MBD5: variants seen among roughly 807,000 people sequenced by gnomAD.
The protein encoded by MBD5 is methyl-CpG-binding domain protein 5.
Under a neutral mutation model 117.3 loss-of-function variants are expected in MBD5, and 13 were observed. The ratio of observed to expected loss-of-function variants is 0.11; its 90% confidence interval spans 0.07 to 0.18. The LOEUF is 0.18. MBD5 is among the 10% of genes least tolerant of loss of function. MBD5 has a pLI of 1.00. For missense variants in MBD5, 1,879 were observed against 2,093.8 expected (o/e 0.90, Z 2.00); for synonymous variants, 727 against 766.4 (o/e 0.95, Z 0.85).
chr2:148,440,018 A>C (rs1706271741), intron 4 of MBD5, among the ~76,000 whole-genome samples: 1 of 152,106 alleles, frequency 6.6e-6, no homozygotes, highest in Non-Finnish European at 1.5e-5. Flanking sequence ...AGATTACAGG[A>C]GTGAGCCACC....
At chr2:148,327,136 C>A (rs1702475428) in intron 3 of MBD5, among the ~76,000 whole-genome samples, 1 of 151,984 alleles carries the variant, frequency 6.6e-6, no homozygotes, top group African/African-American at 2.4e-5. Flanking sequence ...GTTGAAAATT[C>A]TTTTCTTTAA....
At chr2:148,222,098 A>G (rs1047763367) in intron 2 of MBD5, among the ~76,000 whole-genome samples, 2 of 152,014 alleles carry the variant, frequency 1.3e-5, no homozygotes, top group Non-Finnish European at 2.9e-5. Context: ...TGGGTTCTCT[A>G]TTCTGTTCCG....
chr2:148,244,302 A>C (rs1248467777), intron 3 of MBD5: 1 of 152,046 alleles, frequency 6.6e-6, no homozygotes, highest in Non-Finnish European at 1.5e-5. Context: ...TGGCTATAAG[A>C]GTTTAGTTGA....
intron 1 of MBD5, among the ~76,000 whole-genome samples, chr2:148,069,098 A>C (rs1695285744): frequency 1.3e-5 from 2 of 152,122 alleles, no homozygotes; most frequent in Non-Finnish European, 2.9e-5. Context: ...GATACATGAG[A>C]AAAAAAATTC....
Position 148,216,433 on chromosome 2 carries a change from C to G in MBD5, c.-830-16812C>G, listed in dbSNP as rs1249523816. On this transcript the variant is annotated intron_variant, in intron 2 of 13. Coordinates refer to ENST00000642680, the MANE Select transcript of MBD5 (RefSeq NM_001378120.1). ...TGCATTTATTTTATATTATTGATGT[C>G]TCAAGACAAAAAACTTTTTTTTTCT... Among the ~76,000 whole-genome samples the G allele has an allele frequency of 2.6e-5, 4 of 152,086 alleles. No individual in the cohort carries two copies. In the East Asian group the frequency reaches 7.7e-4, roughly 29 times the overall value.
At chr2:148,506,238 C>CTTT (rs1348924280) in intron 12 of MBD5, among the ~76,000 whole-genome samples, 1 of 152,144 alleles carries the variant, frequency 6.6e-6, no homozygotes, top group Admixed American at 6.5e-5. Context: ...CAATTTTGTA[C>CTTT]TTAAAAGCAG....
chr2:148,133,599 G>A (rs1336832930), intron 1 of MBD5, among the ~76,000 whole-genome samples: 1 of 152,182 alleles, frequency 6.6e-6, no homozygotes, highest in Non-Finnish European at 1.5e-5. Flanking sequence ...CAAGGCGGGT[G>A]GATCACCTGA....
intron 3 of MBD5, among the ~76,000 whole-genome samples, chr2:148,274,795 T>G (rs759994550): frequency 6.6e-6 from 1 of 151,264 alleles, no homozygotes; most frequent in South Asian, 2.1e-4. Flanking sequence ...CGATCTCAGC[T>G]CACTGCAACC....
chr2:148,137,185 C>A (rs1320136466), intron 1 of MBD5, among the ~76,000 whole-genome samples: 1 of 152,096 alleles, frequency 6.6e-6, no homozygotes, highest in East Asian at 1.9e-4. Flanking sequence ...AGGTCTGTTC[C>A]CCCTGATTTT....
intron 3 of MBD5, among the ~76,000 whole-genome samples, chr2:148,331,422 A>G (rs1449079942): frequency 6.6e-6 from 1 of 152,056 alleles, no homozygotes; most frequent in African/African-American, 2.4e-5. Flanking sequence ...CCATGTGGAC[A>G]AAGATTAAAT....
chr2:148,174,571 A>G (rs185350677), intron 1 of MBD5, among the ~76,000 whole-genome samples: 21 of 152,184 alleles, frequency 1.4e-4, no homozygotes, highest in Admixed American at 1.4e-3. Flanking sequence ...AATATCCAAA[A>G]TATATAAGAA....
intron 5 of MBD5, among the ~76,000 whole-genome samples, chr2:148,462,081 A>T (rs1181792792): frequency 2.0e-5 from 3 of 152,200 alleles, no homozygotes; most frequent in Non-Finnish European, 2.9e-5. Flanking sequence ...TTACATAGGG[A>T]CAACTTGGTT....
At chr2:148,330,280 A>G (rs1192290305) in intron 3 of MBD5, among the ~76,000 whole-genome samples, 3 of 152,104 alleles carry the variant, frequency 2.0e-5, no homozygotes, top group Non-Finnish European at 4.4e-5. Flanking sequence ...ATTTGGCTAA[A>G]TGCCAATCTC....
At chr2:148,287,472 G>C (rs1701391822) in intron 3 of MBD5, among the ~76,000 whole-genome samples, 1 of 152,144 alleles carries the variant, frequency 6.6e-6, no homozygotes, top group Non-Finnish European at 1.5e-5. Context: ...TTTTTATGCT[G>C]ATAGAACTTT....
intron 3 of MBD5, among the ~76,000 whole-genome samples, chr2:148,279,158 T>G (rs540267482): frequency 2.0e-5 from 3 of 152,050 alleles, no homozygotes; most frequent in African/African-American, 7.2e-5. Flanking sequence ...GCCATCAAGG[T>G]GTGGTAGCTC....
intron 2 of MBD5, among the ~76,000 whole-genome samples, chr2:148,181,966 A>T (rs925706084): frequency 2.0e-5 from 3 of 152,032 alleles, no homozygotes; most frequent in African/African-American, 7.2e-5. Flanking sequence ...TTTGAAATAG[A>T]TTATTATAAT....
chr2:148,194,504 G>A (rs1465291904), intron 2 of MBD5, among the ~76,000 whole-genome samples: 2 of 53,130 alleles, frequency 3.8e-5, no homozygotes, highest in East Asian at 1.2e-3. Context: ...GTAAACTATC[G>A]CAAGAACAAA....
At chr2:148,083,651 G>A (rs964503004) in intron 1 of MBD5, among the ~76,000 whole-genome samples, 3 of 151,376 alleles carry the variant, frequency 2.0e-5, no homozygotes, top group Non-Finnish European at 2.9e-5. Flanking sequence ...TTTTTGAGAC[G>A]GAGTCTTGCT....
At chr2:148,370,423 A>G (rs891320274) in intron 4 of MBD5, among the ~76,000 whole-genome samples, 12 of 152,164 alleles carry the variant, frequency 7.9e-5, no homozygotes, top group African/African-American at 2.9e-4. Flanking sequence ...TTTTTTGACA[A>G]TGAGAGTTAG....
Sources: gnomAD v4.1 joint callset for allele counts (sites outside exome capture counted in the v4.1 genomes callset) on GRCh38, gnomAD v4.1.1 for gene constraint, MANE v1.5 for transcripts, NCBI Gene and HGNC (gene_info 2026-07-23, HGNC 2026-07-21) for gene names.